Variants in SGO2 observed in about 807,000 individuals in gnomAD.
The protein encoded by SGO2 is shugoshin-like 2.
SGO2 carries 68 observed loss-of-function variants against 99.5 expected under a neutral mutation model. That is an observed-to-expected ratio of 0.68 (90% CI 0.56 to 0.84). The LOEUF (loss-of-function observed/expected upper bound fraction) is 0.84. Ranked by LOEUF, SGO2 falls within the 40% of genes least tolerant of loss-of-function variation. SGO2 has a pLI of 0.00. For synonymous variants in SGO2, 457 were observed against 487.1 expected (o/e 0.94, Z 0.81); for missense variants, 1,350 against 1,436.7 (o/e 0.94, Z 0.97).
chr2:200,563,066 G>C (rs1005499558), intron 5 of SGO2, among the ~76,000 whole-genome samples: 3 of 152,240 alleles, frequency 2.0e-5, no homozygotes, highest in African/African-American at 7.2e-5. Context: ...TCTCCTGCCT[G>C]ATTGCCCTGG....
chr2:200,539,570 C>A (rs989585094), intron 4 of SGO2, among the ~76,000 whole-genome samples: 14 of 151,738 alleles, frequency 9.2e-5, no homozygotes, highest in Admixed American at 6.6e-4. Flanking sequence ...AACTTTGAGT[C>A]AATGCTTTTT....
At position 200,573,046 on chromosome 2, in the gene SGO2, A is replaced by G. The variant is rs2033510547; in HGVS notation, c.2700A>G (p.Glu900=). The change falls in exon 7 of 9, where the codon GAA becomes GAG. Residue 900 remains glutamate, a synonymous_variant. Coordinates refer to ENST00000357799, the MANE Select transcript of SGO2 (RefSeq NM_152524.6). The part of the protein sequence containing the change: ...VTDRKSAEQN[E]SKINKLRNKV... ...ATAGGAAATCTGCTGAGCAAAATGA[A>G]TCAAAAATAAATAAGCTCAGGAATA... The G allele has an allele frequency of 6.4e-7, 1 of 1,567,482 alleles. No homozygotes were observed. The highest frequency in any genetic ancestry group is 8.6e-7 in the Non-Finnish European group (1 of 1,165,030).
intron 4 of SGO2, among the ~76,000 whole-genome samples, chr2:200,539,849 G>GT (rs1461601523): frequency 6.6e-6 from 1 of 151,984 alleles, no homozygotes; most frequent in African/African-American, 2.4e-5. Flanking sequence ...TGACAGGAAT[G>GT]TTTTATCTTT....
chr2:200,583,531 A>G lies in SGO2; in HGVS notation c.*67A>G, dbSNP rs1265298211. The G allele has an allele frequency of 7.1e-7, 1 of 1,412,082 alleles. No individual in the cohort carries two copies. The highest frequency in any genetic ancestry group is 9.6e-7 in the Non-Finnish European group (1 of 1,037,496). 87.5% of individuals were successfully genotyped at this position (1,412,082 alleles called of 1,614,324 possible). Reference sequence around the variant, plus strand: ...TAAGGAATCAAAACAGAAATATAGTATCAAGAAGATGAAATGCTTAATGAA... The same window carrying G: ...TAAGGAATCAAAACAGAAATATAGTGTCAAGAAGATGAAATGCTTAATGAA... On this transcript the variant is annotated 3_prime_UTR_variant, in exon 9 of 9. Coordinates refer to ENST00000357799, the MANE Select transcript of SGO2 (RefSeq NM_152524.6).
At chr2:200,581,235 T>A (rs1277498531) in intron 8 of SGO2, among the ~76,000 whole-genome samples, 3 of 152,142 alleles carry the variant, frequency 2.0e-5, no homozygotes, top group African/African-American at 7.2e-5. Flanking sequence ...TTACTGTATT[T>A]ATTATGTTGC....
chr2:200,558,008 C>G (rs2032788598), intron 5 of SGO2, among the ~76,000 whole-genome samples: 1 of 151,790 alleles, frequency 6.6e-6, no homozygotes, highest in African/African-American at 2.4e-5. Flanking sequence ...GGACTACAGG[C>G]ATGCACCATC....
Position 200,569,610 on chromosome 2 carries a change from A to G in SGO2, c.474-53A>G, listed in dbSNP as rs1050928278. On this transcript the variant is annotated intron_variant, in intron 5 of 8. Coordinates refer to ENST00000357799, the MANE Select transcript of SGO2 (RefSeq NM_152524.6). The stretch of plus-strand genomic sequence containing the variant: ...TATAGAAATAACTGCCCATGCATTT[A>G]AAGAAAATTTATAAAACACATAATT... 5.1e-6 allele frequency: 7 copies of G among 1,371,734 alleles called. No individual in the cohort carries two copies. In the African/African-American group the frequency reaches 7.3e-5, roughly 14 times the overall value. 85.0% of individuals were successfully genotyped at this position (1,371,734 alleles called of 1,614,324 possible). A position where few individuals can be genotyped will look rare whatever the true frequency, so the allele number is the denominator to read the frequency against.
chr2:200,573,980 A>G lies in SGO2; in HGVS notation c.3631+3A>G. 6.4e-7 allele frequency: 1 copy of G among 1,565,566 alleles called. No individual in the cohort carries two copies. The highest frequency in any genetic ancestry group is 8.6e-7 in the Non-Finnish European group (1 of 1,163,962). The stretch of plus-strand genomic sequence containing the variant: ...GAGAACCCAAAAATCAGGAATAGGT[A>G]GGTTAATAACCATTATGAAATGATA... On this transcript the variant is annotated splice_donor_region_variant and intron_variant, in intron 7 of 8. Transcript: ENST00000357799.
At chr2:200,558,808 T>C (rs548917318) in intron 5 of SGO2, among the ~76,000 whole-genome samples, 1 of 151,094 alleles carries the variant, frequency 6.6e-6, no homozygotes, top group South Asian at 2.1e-4. Flanking sequence ...AACATCTCTT[T>C]TTTTTTTTTT....
intron 2 of SGO2, among the ~76,000 whole-genome samples, chr2:200,534,764 C>A (rs2031606501): frequency 6.6e-6 from 1 of 152,130 alleles, no homozygotes; most frequent in Non-Finnish European, 1.5e-5. Context: ...CTTTTTTATA[C>A]ATATTCTGCA....
rs2033503477 is a variant in SGO2, at chr2:200,572,925, A to G, written c.2579A>G (p.Asn860Ser). ...ATTTCTGAAAATCTACAAGTCACAA[A>G]TGAATTTCAAACAGTTGATCTTCTC... ...ETISENLQVT[N>S]EFQTVDLLIK... Residue 860 changes from asparagine to serine, a missense_variant, in exon 7 of 9, where the codon AAT (asparagine) becomes AGT (serine). Transcript: ENST00000357799. 6.3e-7 allele frequency: 1 copy of G among 1,597,042 alleles called. No individual in the cohort carries two copies. Among genetic ancestry groups the G allele is most frequent in the East Asian group, 2.2e-5 (1 of 44,722 alleles).
intron 5 of SGO2, among the ~76,000 whole-genome samples, chr2:200,556,866 G>GGAGA (rs142775441): frequency 1.3e-5 from 2 of 151,842 alleles, no homozygotes; most frequent in African/African-American, 4.8e-5. Flanking sequence ...ACAGAGAGAG[G>GGAGA]GAGAGAGAGA....
chr2:200,575,207 T>C, intron 7 of SGO2, 104 bp from the exon 8 acceptor site: 1 of 566,082 alleles, frequency 1.8e-6, no homozygotes, highest in South Asian at 8.2e-5. Context: ...TGAATCAAGA[T>C]TTAAAATTTG....
chr2:200,571,224 C>T lies in SGO2; in HGVS notation c.878C>T (p.Thr293Ile). ...CTTTCTGCAGACACTCCCTGTGCAA[C>T]AGTTTTAGATAAACAACACATTTCA... ...NNLSADTPCA[T>I]VLDKQHISSP... The change falls in exon 7 of 9, where the codon ACA becomes ATA. Residue 293 changes from threonine to isoleucine, a missense_variant. Transcript: ENST00000357799. 6.2e-7 allele frequency: 1 copy of T among 1,613,552 alleles called. No individual in the cohort carries two copies. Among genetic ancestry groups the T allele is most frequent in the Non-Finnish European group, 8.5e-7 (1 of 1,179,648 alleles).
intron 1 of SGO2, among the ~76,000 whole-genome samples, chr2:200,529,460 T>G (rs2031259088): frequency 6.6e-6 from 1 of 152,190 alleles, no homozygotes; most frequent in African/African-American, 2.4e-5. Flanking sequence ...CTATAGTATG[T>G]TAGATAGTGA....
chr2:200,539,445 ATT>A (rs2031854334), intron 4 of SGO2, among the ~76,000 whole-genome samples: 1 of 151,556 alleles, frequency 6.6e-6, no homozygotes, highest in East Asian at 1.9e-4. Context: ...ATTTTATTTT[ATT>A]CTTTTAAAAG....
At position 200,571,172 on chromosome 2, in the gene SGO2, C is replaced by T. The variant is rs1451410852; in HGVS notation, c.826C>T (p.Arg276Cys). 10 of 1,613,490 alleles carry T rather than the reference C, an allele frequency of 6.2e-6. No individual in the cohort carries two copies. The highest frequency in any genetic ancestry group is 4.5e-5 in the East Asian group (2 of 44,876). ...SPSNVTERKK[R>C]GSSWESNNLS... ...TAGTAATGTGACTGAAAGGAAGAAG[C>T]GTGGGTCATCTTGGGAATCAAATAA... The change falls in exon 7 of 9, where the codon CGT becomes TGT. Residue 276 changes from arginine (R) to cysteine (C), a missense_variant. By Grantham distance (180) the Arg-to-Cys change is radical (BLOSUM62 -3). Transcript: ENST00000357799.
chr2:200,563,910 T>C (rs1335101878), intron 5 of SGO2, among the ~76,000 whole-genome samples: 1 of 152,158 alleles, frequency 6.6e-6, no homozygotes, highest in Non-Finnish European at 1.5e-5. Context: ...TGATATCCCC[T>C]TTATCATTTT....
Position 200,572,922 on chromosome 2 carries a change from CAA to C in SGO2, c.2578_2579del (p.Asn860Ter). 1.3e-6 allele frequency: 2 copies of C among 1,595,634 alleles called. No individual in the cohort carries two copies. The highest frequency in any genetic ancestry group is 1.7e-4 in the Middle Eastern group (1 of 5,964). ...ACAATTTCTGAAAATCTACAAGTCA[CAA>C]ATGAATTTCAAACAGTTGATCTTCT... On this transcript the variant is annotated frameshift_variant, in exon 7 of 9. Transcript: ENST00000357799. LOFTEE classifies it high-confidence loss of function.
Sources: allele counts gnomAD v4.1 joint callset (sites outside exome capture counted in the v4.1 genomes callset), GRCh38; gene constraint gnomAD v4.1.1; transcripts MANE v1.5; gene names NCBI Gene and HGNC (gene_info 2026-07-23, HGNC 2026-07-21).